Variants in ARHGAP18 observed in about 807,000 individuals in gnomAD.
ARHGAP18 encodes rho GTPase-activating protein 18.
A neutral mutation model predicts 86.2 loss-of-function variants in ARHGAP18; 67 were observed. The ratio of observed to expected loss-of-function variants is 0.78; its 90% CI spans 0.64 to 0.95. The LOEUF (loss-of-function observed/expected upper bound fraction) is 0.95. Ranked by LOEUF, ARHGAP18 falls within the 40% of genes least tolerant of loss-of-function variation. ARHGAP18 has a pLI of 0.00. For synonymous variants in ARHGAP18, 283 were observed against 280.4 expected, an observed-to-expected ratio of 1.01 and a Z score of -0.09; for missense variants, 691 against 780.4, an observed-to-expected ratio of 0.89 and a Z score of 1.37.
chr6:129,709,714 T>G (rs1319433264), intron 1 of ARHGAP18, among the ~76,000 whole-genome samples: 1 of 152,248 alleles, frequency 6.6e-6, no homozygotes, highest in African/African-American at 2.4e-5. Context: ...AGGAAGTGTT[T>G]CAGATAGACC....
At chr6:129,635,939 T>C (rs914463821) in intron 3 of ARHGAP18, among the ~76,000 whole-genome samples, 1 of 152,162 alleles carries the variant, frequency 6.6e-6, no homozygotes, top group Admixed American at 6.5e-5. Flanking sequence ...GCTGGAAAAA[T>C]GTTGTTTCTA....
At chr6:129,687,256 A>G (rs1024759259) in intron 1 of ARHGAP18, among the ~76,000 whole-genome samples, 2 of 152,140 alleles carry the variant, frequency 1.3e-5, no homozygotes, top group South Asian at 4.1e-4. Flanking sequence ...CACGGGTCTC[A>G]GAGAAGTTGT....
At position 129,651,275 on chromosome 6, in the gene ARHGAP18, A is replaced by C. The variant is rs550668698; in HGVS notation, c.114-9257T>G. 1.2e-3 allele frequency among the ~76,000 whole-genome samples: 187 copies of C among 152,302 alleles called. 4 individuals are homozygous for C. The South Asian group carries it at 0.017, about 14-fold the overall frequency. On this transcript the variant is annotated intron_variant, in intron 1 of 14. Coordinates refer to ENST00000368149, the MANE Select transcript of ARHGAP18 (RefSeq NM_033515.3). ...TCCATGATGTTACTTGTGGATGTTTAGTCTACAAGTAGGTTTCCTAAAGGA... is the reference window on the plus strand; with the variant it reads ...TCCATGATGTTACTTGTGGATGTTTCGTCTACAAGTAGGTTTCCTAAAGGA...
In ARHGAP18 at chr6:129,631,863, T is replaced by G. The variant is rs79262740; in HGVS notation, c.616+2179A>C. ...GTTTAAAAAATTATTGGGGCATTAT[T>G]AATATTTCTAAATGTATTATTAAAT... is the stretch of plus-strand genomic sequence containing the variant. On this transcript the variant is annotated intron_variant, in intron 4 of 14. Coordinates refer to ENST00000368149, the MANE Select transcript of ARHGAP18 (RefSeq NM_033515.3). Among the ~76,000 whole-genome samples, 778 of 152,294 alleles carry G rather than the reference T, an allele frequency of 5.1e-3. 9 individuals carry two copies. Among genetic ancestry groups the G allele is most frequent in the African/African-American group, 0.018 (731 of 41,580 alleles).
chr6:129,627,015 T>C (rs1345738049), intron 5 of ARHGAP18, among the ~76,000 whole-genome samples: 3 of 152,074 alleles, frequency 2.0e-5, no homozygotes, highest in Non-Finnish European at 4.4e-5. Flanking sequence ...CAGAGTTTCC[T>C]GCAGAAACAT....
chr6:129,637,574 A>G (rs1000873572), intron 3 of ARHGAP18, among the ~76,000 whole-genome samples: 1 of 152,126 alleles, frequency 6.6e-6, no homozygotes, highest in African/African-American at 2.4e-5. Context: ...TATATAGTGA[A>G]CTCTAACCTA....
At chr6:129,608,661 C>A (rs929597970) in intron 8 of ARHGAP18, among the ~76,000 whole-genome samples, 3 of 152,160 alleles carry the variant, frequency 2.0e-5, no homozygotes, top group African/African-American at 4.8e-5. Context: ...ATATCTAGTT[C>A]ACTTACCTCA....
At chr6:129,693,644 C>T (rs1774564124) in intron 1 of ARHGAP18, among the ~76,000 whole-genome samples, 1 of 152,170 alleles carries the variant, frequency 6.6e-6, no homozygotes, top group Non-Finnish European at 1.5e-5. Context: ...GACACAGGCA[C>T]ACTGAAGAGA....
chr6:129,640,139 GA>G (rs1262316088), intron 2 of ARHGAP18, among the ~76,000 whole-genome samples: 84 of 148,830 alleles, frequency 5.6e-4, no homozygotes, highest in Non-Finnish European at 9.1e-4. Context: ...CAGATTGCCA[GA>G]AAAAAAACCT....
intron 1 of ARHGAP18, among the ~76,000 whole-genome samples, chr6:129,688,433 A>T (rs1774469424): frequency 6.6e-6 from 1 of 152,224 alleles, no homozygotes. Flanking sequence ...AGTAGAAAAC[A>T]TGGGATAGTA....
At chr6:129,644,813 G>C (rs563982591) in intron 1 of ARHGAP18, among the ~76,000 whole-genome samples, 1 of 152,304 alleles carries the variant, frequency 6.6e-6, no homozygotes, top group African/African-American at 2.4e-5. Flanking sequence ...AGGTCATTGA[G>C]TAACACCATT....
chr6:129,707,616 T>C (rs567304186), intron 1 of ARHGAP18, among the ~76,000 whole-genome samples: 11 of 151,312 alleles, frequency 7.3e-5, no homozygotes, highest in Non-Finnish European at 1.0e-4. Flanking sequence ...ACCACGGGCA[T>C]GCACTACCAT....
chr6:129,606,030 T>G (rs1788847145), intron 9 of ARHGAP18, 71 bp from the exon 10 acceptor site: 2 of 1,471,938 alleles, frequency 1.4e-6, no homozygotes, highest in African/African-American at 1.4e-5. Flanking sequence ...TTTTTTCACT[T>G]TTTAAGAAAA....
chr6:129,639,734 G>T (rs1477362945), intron 2 of ARHGAP18, among the ~76,000 whole-genome samples: 2 of 152,138 alleles, frequency 1.3e-5, no homozygotes, highest in African/African-American at 4.8e-5. Flanking sequence ...AACAAAAACA[G>T]TTTACTAGCA....
At chr6:129,661,008 G>C (rs1397925337) in intron 1 of ARHGAP18, among the ~76,000 whole-genome samples, 1 of 135,302 alleles carries the variant, frequency 7.4e-6, no homozygotes, top group African/African-American at 2.8e-5. Context: ...AGAAAAAGAG[G>C]ACACAAAACC....
At chr6:129,635,316 C>T (rs1034188417) in intron 3 of ARHGAP18, among the ~76,000 whole-genome samples, 10 of 152,178 alleles carry the variant, frequency 6.6e-5, no homozygotes, top group African/African-American at 2.4e-4. Context: ...CCTAGAAAAG[C>T]ACTAGGCTAG....
At chr6:129,653,981 T>C (rs1773775055) in intron 1 of ARHGAP18, among the ~76,000 whole-genome samples, 1 of 152,182 alleles carries the variant, frequency 6.6e-6, no homozygotes, top group Non-Finnish European at 1.5e-5. Context: ...ACTTCAAGGC[T>C]ACAGTGAGCT....
chr6:129,647,123 G>T (rs1027200224), intron 1 of ARHGAP18, among the ~76,000 whole-genome samples: 25 of 151,992 alleles, frequency 1.6e-4, no homozygotes, highest in African/African-American at 5.5e-4. Flanking sequence ...TAATGACAAA[G>T]AATTAAAATG....
At chr6:129,698,923 C>T (rs960018512) in intron 1 of ARHGAP18, among the ~76,000 whole-genome samples, 2 of 152,090 alleles carry the variant, frequency 1.3e-5, no homozygotes, top group African/African-American at 2.4e-5. Flanking sequence ...GAATCACTGA[C>T]CTCAGGTGAT....
Sources: allele counts gnomAD v4.1 joint callset (sites outside exome capture counted in the v4.1 genomes callset), GRCh38; gene constraint gnomAD v4.1.1; transcripts MANE v1.5; gene names NCBI Gene and HGNC (gene_info 2026-07-23, HGNC 2026-07-21).